Variants in DISC1 observed in about 807,000 individuals in gnomAD.
DISC1 encodes the protein DISC1 scaffold protein.
Under a neutral mutation model 84.5 loss-of-function variants are expected in DISC1, and 57 were observed. The observed-to-expected ratio is 0.67, with a 90% CI of 0.55 to 0.84. The LOEUF (loss-of-function observed/expected upper bound fraction) is 0.84. Among genes scored for constraint, DISC1 ranks in the 40% least tolerant of loss-of-function variants. DISC1 has a pLI of 0.00. For synonymous variants in DISC1, 411 were observed against 415.2 expected (o/e 0.99, Z 0.12); for missense variants, 1,000 against 1,057.8 (o/e 0.95, Z 0.76).
rs559272636 is a variant in DISC1 at position 232,009,941 on chromosome 1, A to G, written c.2307+892A>G. On this transcript the variant is annotated intron_variant, in intron 11 of 12. Transcript: ENST00000439617. This position sits in a 1 kb window ranked among gnomAD's most constrained non-coding sequence, Gnocchi z 4.6. The stretch of plus-strand genomic sequence containing the variant: ...GCTTCCTCCCTGGGTCTTTGCCAGG[A>G]CTCACCACTGGTGGGTGGGGAAATT... Among the ~76,000 whole-genome samples, 4 of 152,134 alleles carry G rather than the reference A, an allele frequency of 2.6e-5. No individual in the cohort carries two copies. The highest frequency in any genetic ancestry group is 4.2e-4 in the South Asian group (2 of 4,818).
intron 3 of DISC1, among the ~76,000 whole-genome samples, chr1:231,744,338 GA>G (rs1287963869): frequency 6.6e-6 from 1 of 152,186 alleles, no homozygotes; most frequent in Non-Finnish European, 1.5e-5. Flanking sequence ...AGGACCACCA[GA>G]AGGGAAGCTC....
At chr1:231,746,478 G>A (rs1309056368) in intron 3 of DISC1, among the ~76,000 whole-genome samples, 2 of 152,172 alleles carry the variant, frequency 1.3e-5, no homozygotes, top group Admixed American at 6.5e-5. Flanking sequence ...TAGTGGGATT[G>A]CTGGATCATA....
chr1:231,844,709 G>A (rs181206344), intron 9 of DISC1, among the ~76,000 whole-genome samples: 65 of 152,016 alleles, frequency 4.3e-4, no homozygotes, highest in Admixed American at 1.3e-3. Context: ...GGTGGATCAC[G>A]AGGTCAGGAG....
At position 231,762,276 on chromosome 1, in the gene DISC1, C is replaced by T. The variant is rs1004648154; in HGVS notation, c.1269-4864C>T. 5.5e-5 allele frequency among the ~76,000 whole-genome samples: 7 copies of T among 126,190 alleles called. No individual in the cohort carries two copies. In the East Asian group the frequency reaches 6.7e-4, roughly 12 times the overall value. 82.8% of individuals were successfully genotyped at this position (126,190 alleles called of 152,430 possible). The stretch of plus-strand genomic sequence containing the variant: ...TTCTTTATTTTCTTTCCTTTCCTTT[C>T]CTTTTCTTTTCTTTTCCCTTCCCTT... On this transcript the variant is annotated intron_variant, in intron 4 of 12. Transcript: ENST00000439617.
intron 3 of DISC1, chr1:231,721,056 C>T: frequency 1.5e-6 from 2 of 1,290,928 alleles, no homozygotes; most frequent in Non-Finnish European, 2.0e-6. Context: ...CTTTTCCCAG[C>T]TTTTTTCCAG....
At chr1:231,699,815 G>A (rs927387550) in intron 2 of DISC1, among the ~76,000 whole-genome samples, 7 of 152,114 alleles carry the variant, frequency 4.6e-5, no homozygotes, top group Non-Finnish European at 8.8e-5. Flanking sequence ...GTCTCTTCTT[G>A]ACACAGTCCT....
At chr1:231,996,459 G>GT (rs1352446025) in intron 10 of DISC1, among the ~76,000 whole-genome samples, 2 of 152,196 alleles carry the variant, frequency 1.3e-5, no homozygotes, top group African/African-American at 4.8e-5. Context: ...CTCTTCTAGG[G>GT]TTTTTTTGGT....
chr1:231,806,965 C>G (rs2079781919), intron 8 of DISC1, among the ~76,000 whole-genome samples: 1 of 152,244 alleles, frequency 6.6e-6, no homozygotes, highest in Non-Finnish European at 1.5e-5. Context: ...GTTTCCTTCT[C>G]TGGAATGGTG....
chr1:231,773,246 A>G (rs1004083597), intron 6 of DISC1, among the ~76,000 whole-genome samples: 2 of 152,192 alleles, frequency 1.3e-5, no homozygotes, highest in African/African-American at 2.4e-5. Context: ...TGGCTGATAG[A>G]ACTGAGCCCA....
intron 3 of DISC1, among the ~76,000 whole-genome samples, chr1:231,716,503 A>G (rs539183980): frequency 6.6e-6 from 1 of 151,872 alleles, no homozygotes; most frequent in African/African-American, 2.4e-5. Context: ...GCTTTGTTGC[A>G]TGACATTGGA....
chr1:231,850,145 A>G (rs1210894817), intron 9 of DISC1, among the ~76,000 whole-genome samples: 2 of 152,236 alleles, frequency 1.3e-5, no homozygotes, highest in Admixed American at 6.5e-5. Flanking sequence ...TAGTGTGCCA[A>G]GAGCAGGACT....
intron 9 of DISC1, among the ~76,000 whole-genome samples, chr1:231,932,321 C>T (rs535663522): frequency 2.0e-5 from 3 of 152,032 alleles, no homozygotes; most frequent in African/African-American, 7.3e-5. Context: ...AGTTTAAGAC[C>T]AATATTTGTC....
At chr1:231,816,178 A>T (rs546724867) in intron 8 of DISC1, among the ~76,000 whole-genome samples, 15 of 152,132 alleles carry the variant, frequency 9.9e-5, no homozygotes, top group Non-Finnish European at 2.1e-4. Flanking sequence ...TATGGTTTTA[A>T]TTTTTCTTTT....
intron 9 of DISC1, among the ~76,000 whole-genome samples, chr1:231,892,566 G>A (rs2087317784): frequency 6.6e-6 from 1 of 151,986 alleles, no homozygotes; most frequent in African/African-American, 2.4e-5. Flanking sequence ...TAGAGAGGAG[G>A]GTGATGATAC....
At chr1:231,900,908 CT>C (rs1319828191) in intron 9 of DISC1, among the ~76,000 whole-genome samples, 1 of 152,170 alleles carries the variant, frequency 6.6e-6, no homozygotes, top group East Asian at 1.9e-4. Context: ...AAAATCTACT[CT>C]AGCTGCTGCC....
chr1:231,733,455 A>G (rs2071909303), intron 3 of DISC1, among the ~76,000 whole-genome samples: 1 of 143,262 alleles, frequency 7.0e-6, no homozygotes, highest in Non-Finnish European at 1.6e-5. Context: ...TGGTGATTGT[A>G]GAAGTGGTGG....
chr1:231,775,336 A>T (rs143757786), intron 6 of DISC1, among the ~76,000 whole-genome samples: 2,617 of 152,330 alleles, frequency 0.017, 30 homozygotes, highest in Middle Eastern at 0.054. Context: ...ACGTGCTTAC[A>T]TGGAGGCCAT....
At position 231,821,981 on chromosome 1, in the gene DISC1, G is replaced by A. The variant is rs185090946; in HGVS notation, c.1981+3464G>A. ...CTCCCAAAGTGCTGGAATTACAAGC[G>A]TGAGCCACCGCGCCCGGCCTACAAC... On this transcript the variant is annotated intron_variant, in intron 9 of 12. Transcript: ENST00000439617. Among the ~76,000 whole-genome samples, 8 of 152,228 alleles carry A rather than the reference G, an allele frequency of 5.3e-5. No homozygotes were observed. In the South Asian group the frequency reaches 8.3e-4, roughly 16 times the overall value.
chr1:231,727,188 G>A (rs1033198417), intron 3 of DISC1, among the ~76,000 whole-genome samples: 1 of 152,068 alleles, frequency 6.6e-6, no homozygotes, highest in Non-Finnish European at 1.5e-5. Context: ...GTTATAGCTT[G>A]CTTTTTCTCT....
Sources: gnomAD v4.1 joint callset for allele counts (sites outside exome capture counted in the v4.1 genomes callset) on GRCh38, gnomAD v4.1.1 for gene constraint, Gnocchi (gnomAD v3.1) non-coding constraint, MANE v1.5 for transcripts, NCBI Gene and HGNC (gene_info 2026-07-23, HGNC 2026-07-21) for gene names.